MINAR1: variants seen among roughly 807,000 people sequenced by gnomAD.
The protein encoded by MINAR1 is major intrinsically disordered Notch2-binding receptor 1.
A neutral mutation model predicts 65.1 loss-of-function variants in MINAR1; 40 were observed. The observed-to-expected ratio is 0.61, with a 90% CI of 0.48 to 0.80. MINAR1 has a LOEUF of 0.80. Among genes scored for constraint, MINAR1 ranks in the 30% least tolerant of loss-of-function variants. MINAR1 has a pLI of 0.00. For synonymous variants in MINAR1, 482 were observed against 449.1 expected, an observed-to-expected ratio of 1.07 and a Z score of -0.93; for missense variants, 1,128 against 1,148.0, an observed-to-expected ratio of 0.98 and a Z score of 0.25.
At chr15:79,452,936 C>T (rs891518284) in intron 1 of MINAR1, among the ~76,000 whole-genome samples, 5 of 143,744 alleles carry the variant, frequency 3.5e-5, no homozygotes, top group East Asian at 2.2e-4. Context: ...AATGTGTCTG[C>T]GTGTGAGTGT....
rs1896034391 is a variant in MINAR1, at chr15:79,470,309, A to G, written c.*1925A>G. 6.6e-6 allele frequency: 1 copy of G among 152,340 alleles called. No homozygotes were observed. Among genetic ancestry groups the G allele is most frequent in the Non-Finnish European group, 1.5e-5 (1 of 68,006 alleles). 9.4% of individuals were successfully genotyped at this position (152,340 alleles called of 1,614,324 possible). ...TTACCACTCTGGGCATTGCCTTTCC[A>G]CCTAACCCCTCAACCAGTAAGACTC... On this transcript the variant is annotated 3_prime_UTR_variant, in exon 4 of 4. Coordinates refer to ENST00000305428, the MANE Select transcript of MINAR1 (RefSeq NM_015206.3).
intron 3 of MINAR1, among the ~76,000 whole-genome samples, chr15:79,464,556 C>G (rs1194431678): frequency 1.3e-5 from 2 of 152,214 alleles, no homozygotes; most frequent in African/African-American, 4.8e-5. Context: ...CATGGTCTTT[C>G]TCTTCTGCAA....
the MINAR1 span, chr15:79,425,252 C>T: frequency 6.6e-6 from 1 of 152,206 alleles, no homozygotes; most frequent in African/African-American, 2.4e-5. Context: ...GTTGGCCAGG[C>T]TGGTCTTGAA....
In MINAR1 at chr15:79,468,893, G is replaced by C. The variant is rs531594121; in HGVS notation, c.*509G>C. ...CCCTAAAGGGTATTACTTCTCTGTC[G>C]ACTTTTATCAAGGGCTACTGACGTT... On this transcript the variant is annotated 3_prime_UTR_variant, in exon 4 of 4. Coordinates refer to ENST00000305428, the MANE Select transcript of MINAR1 (RefSeq NM_015206.3). The C allele has an allele frequency of 6.2e-6, 1 of 160,874 alleles. No individual in the cohort carries two copies. The allele number at this position is 160,874 out of a possible 1,614,324, so 10.0% of individuals were successfully genotyped here.
intron 1 of MINAR1, among the ~76,000 whole-genome samples, chr15:79,438,443 GT>G (rs1291737519): frequency 2.7e-4 from 2 of 7,502 alleles, no homozygotes; most frequent in African/African-American, 4.0e-4. Context: ...TGGGTAGTGA[GT>G]GTGTGGAGTG....
chr15:79,418,644 C>G, the MINAR1 span: 1 of 152,338 alleles, frequency 6.6e-6, no homozygotes, highest in African/African-American at 2.4e-5. Context: ...CAATTTGGGA[C>G]AGAGAAATGG....
upstream of MINAR1, among the ~76,000 whole-genome samples, chr15:79,429,865 G>A (rs1194097917): frequency 1.3e-5 from 2 of 152,230 alleles, no homozygotes; most frequent in East Asian, 3.8e-4. Context: ...GGGAGAGGGA[G>A]TCCAAGTTCC....
chr15:79,449,743 A>T (rs765815588), intron 1 of MINAR1, among the ~76,000 whole-genome samples: 5 of 152,320 alleles, frequency 3.3e-5, no homozygotes, highest in African/African-American at 1.2e-4. Flanking sequence ...CAACACCTGA[A>T]TCTTGAAGGG....
intron 1 of MINAR1, among the ~76,000 whole-genome samples, chr15:79,452,955 G>GTC (rs1895284928): frequency 6.6e-6 from 1 of 151,612 alleles, no homozygotes; most frequent in East Asian, 1.9e-4. Flanking sequence ...GTATGGGTGA[G>GTC]TCTGTGTGAA....
At chr15:79,466,946 G>A (rs193273447) in intron 3 of MINAR1, among the ~76,000 whole-genome samples, 33 of 152,338 alleles carry the variant, frequency 2.2e-4, no homozygotes, top group African/African-American at 7.0e-4. Flanking sequence ...CCAGGAGGGA[G>A]CTGGGGGAAT....
At position 79,468,741 on chromosome 15, in the gene MINAR1, C is replaced by T. The variant is rs942271542; in HGVS notation, c.*357C>T. 3.7e-6 allele frequency: 1 copy of T among 271,410 alleles called. No homozygotes were observed. Among genetic ancestry groups the T allele is most frequent in the African/African-American group, 2.2e-5 (1 of 45,306 alleles). 16.8% of individuals were successfully genotyped at this position (271,410 alleles called of 1,614,324 possible). On this transcript the variant is annotated 3_prime_UTR_variant, in exon 4 of 4. Coordinates refer to ENST00000305428, the MANE Select transcript of MINAR1 (RefSeq NM_015206.3). ...GTTTCATGGTGGGGAATAAGTTATA[C>T]AGAAGATATTTAATACACGCCTCTT...
chr15:79,437,386 G>A (rs1409773361), intron 1 of MINAR1, among the ~76,000 whole-genome samples: 1 of 149,578 alleles, frequency 6.7e-6, no homozygotes, highest in Non-Finnish European at 1.5e-5. Context: ...GATGTGGTGG[G>A]CAGTGATTGG....
chr15:79,463,507 T>G (rs1895728890), intron 3 of MINAR1, among the ~76,000 whole-genome samples, 186 bp downstream of exon 3: 1 of 152,214 alleles, frequency 6.6e-6, no homozygotes, highest in Non-Finnish European at 1.5e-5. Flanking sequence ...AAGGGGATCG[T>G]TGTTTTGCTT....
intron 1 of MINAR1, among the ~76,000 whole-genome samples, chr15:79,452,514 G>A (rs965571466): frequency 6.7e-6 from 1 of 148,446 alleles, no homozygotes; most frequent in Non-Finnish European, 1.5e-5. Flanking sequence ...CTATATGAAT[G>A]TATGGGTATG....
rs753047238 is a variant in MINAR1 at position 79,468,422 on chromosome 15, A to G, written c.*38A>G. 15 of 1,571,212 alleles carry G rather than the reference A, an allele frequency of 9.5e-6. No individual in the cohort carries two copies. The highest frequency in any genetic ancestry group is 1.3e-5 in the Non-Finnish European group (15 of 1,147,218). ...ACCTTACGTACAGCTTATGACTACC[A>G]ATGTCGTCGTCTGTATCTTAGAATC... On this transcript the variant is annotated 3_prime_UTR_variant, in exon 4 of 4. Transcript: ENST00000305428.
intron 1 of MINAR1, among the ~76,000 whole-genome samples, chr15:79,446,136 G>A (rs917447973): frequency 2.4e-4 from 36 of 152,024 alleles, no homozygotes; most frequent in African/African-American, 8.5e-4. Flanking sequence ...AAGTTGTACA[G>A]ATTCTTCCTG....
chr15:79,418,752 GAA>G, the MINAR1 span: 1 of 152,364 alleles, frequency 6.6e-6, no homozygotes, highest in East Asian at 1.9e-4. Flanking sequence ...CCTCCAGCCG[GAA>G]GAGTGGGTAT....
chr15:79,447,423 CTTATT>C (rs1325394848), intron 1 of MINAR1, among the ~76,000 whole-genome samples: 1 of 151,776 alleles, frequency 6.6e-6, no homozygotes, highest in Non-Finnish European at 1.5e-5. Flanking sequence ...TATGCCTTTA[CTTATT>C]TTAAGTATAT....
In MINAR1 at chr15:79,457,578, G is replaced by C. The variant is rs758122997; in HGVS notation, c.1431G>C (p.Gln477His). The C allele has an allele frequency of 5.6e-5, 90 of 1,614,064 alleles. No individual in the cohort carries two copies. The highest frequency in any genetic ancestry group is 7.5e-5 in the Non-Finnish European group (89 of 1,180,058). The stretch of plus-strand genomic sequence containing the variant: ...CAGACACCAGTAGCGTGGGCACCCA[G>C]ACTGAGCACGTGCTGGAGCCCAAGA... ...LSSDTSSVGT[Q>H]TEHVLEPKKC... The change falls in exon 2 of 4, where the codon CAG (glutamine) becomes CAC (histidine). Residue 477 changes from glutamine (Q) to histidine (H), a missense_variant. Physicochemically the swap from Gln to His is conservative, Grantham distance 24 (BLOSUM62 0). Coordinates refer to ENST00000305428, the MANE Select transcript of MINAR1 (RefSeq NM_015206.3).
Sources: gnomAD v4.1 joint callset for allele counts (sites outside exome capture counted in the v4.1 genomes callset) on GRCh38, gnomAD v4.1.1 for gene constraint, MANE v1.5 for transcripts, NCBI Gene and HGNC (gene_info 2026-07-23, HGNC 2026-07-21) for gene names.